The following ZNF444 variants were observed in gnomAD, a reference collection of about 807,000 sequenced individuals.
ZNF444 encodes the protein zinc finger protein 444.
ZNF444 carries 8 observed loss-of-function variants against 14.4 expected under a neutral mutation model. The observed-to-expected ratio is 0.56, with a 90% confidence interval of 0.33 to 1.00. The LOEUF (loss-of-function observed/expected upper bound fraction) is 1.00. Ranked by LOEUF, ZNF444 falls within the 50% of genes least tolerant of loss-of-function variation. ZNF444 has a pLI of 0.03. For missense variants in ZNF444, 510 were observed against 504.8 expected, an observed-to-expected ratio of 1.01 and a Z score of -0.10; for synonymous variants, 258 against 235.9, an observed-to-expected ratio of 1.09 and a Z score of -0.86.
rs921553510 is a variant in ZNF444, at chr19:56,145,950, T to C, written c.-196-297T>C. ...AGAGTCCCGGTGTCCCTTTCTCTTA[T>C]AAGGCCACAGCCCTATTAGGCCCAG... is the stretch of plus-strand genomic sequence containing the variant. On this transcript the variant is annotated intron_variant, in intron 1 of 4. Transcript: ENST00000337080. This position sits in a 1 kb window ranked among gnomAD's most constrained non-coding sequence, Gnocchi z 4.3. 2.6e-5 allele frequency: 4 copies of C among 152,248 alleles called. No individual in the cohort carries two copies. The highest frequency in any genetic ancestry group is 7.2e-5 in the African/African-American group (3 of 41,454). 9.4% of individuals were successfully genotyped at this position (152,248 alleles called of 1,614,324 possible).
At chr19:56,150,494 C>A (rs2031509921) in intron 3 of ZNF444, 3 of 369,754 alleles carry the variant, frequency 8.1e-6, no homozygotes, top group Non-Finnish European at 1.6e-5. Flanking sequence ...TTAATAAGGG[C>A]AGATCTCAGG....
chr19:56,140,001 AG>A (rs1452062976), upstream of ZNF444, among the ~76,000 whole-genome samples: 1 of 152,232 alleles, frequency 6.6e-6, no homozygotes, highest in East Asian at 1.9e-4. Context: ...ATTAAACACG[AG>A]GAGAAGACAG....
chr19:56,150,744 G>A (rs556155041), intron 3 of ZNF444, among the ~76,000 whole-genome samples: 5 of 151,980 alleles, frequency 3.3e-5, no homozygotes, highest in South Asian at 4.2e-4. Flanking sequence ...ATCTGGGGGC[G>A]CTGCTGTGGA....
At position 56,145,753 on chromosome 19, in the gene ZNF444, A is replaced by G. The variant is rs781179837; in HGVS notation, c.-196-494A>G. On this transcript the variant is annotated intron_variant, in intron 1 of 4. Coordinates refer to ENST00000337080, the MANE Select transcript of ZNF444 (RefSeq NM_018337.4). The surrounding 1 kb of genome is among the most constrained non-coding windows in gnomAD (Gnocchi z 4.3). ...CAAATTCCCAGCGGAAGGGACTGGG[A>G]CAGGCCGTCATAGCTGTCATAGCGG... Among the ~76,000 whole-genome samples the G allele has an allele frequency of 2.0e-5, 3 of 152,182 alleles. No homozygotes were observed. The highest frequency in any genetic ancestry group is 4.4e-5 in the Non-Finnish European group (3 of 68,040).
rs889208825 is a variant in ZNF444 at position 56,147,559 on chromosome 19, C to T, written c.297+351C>T. On this transcript the variant is annotated intron_variant, in intron 3 of 4. Transcript: ENST00000337080. The surrounding 1 kb of genome is among the most constrained non-coding windows in gnomAD (Gnocchi z 5.9). ...GCGCAGTTACCAGCTGTCCTCTCCC[C>T]GCACCCCGCCCGCACGCAGGGGGTC... is the stretch of plus-strand genomic sequence containing the variant. Among the ~76,000 whole-genome samples, 1 of 152,122 alleles carries T rather than the reference C, an allele frequency of 6.6e-6. No individual in the cohort carries two copies. Among genetic ancestry groups the T allele is most frequent in the Non-Finnish European group, 1.5e-5 (1 of 68,008 alleles).
rs1470094445 is a variant in ZNF444 at position 56,147,282 on chromosome 19, G to A, written c.297+74G>A. The A allele has an allele frequency of 1.5e-6, 2 of 1,377,392 alleles. No homozygotes were observed. The highest frequency in any genetic ancestry group is 3.0e-5 in the East Asian group (1 of 33,552). The allele number at this position is 1,377,392 out of a possible 1,614,324, so 85.3% of individuals were successfully genotyped here. On this transcript the variant is annotated intron_variant, in intron 3 of 4. Coordinates refer to ENST00000337080, the MANE Select transcript of ZNF444 (RefSeq NM_018337.4). This position sits in a 1 kb window ranked among gnomAD's most constrained non-coding sequence, Gnocchi z 5.9. ...GGGAAGCCACCAGGAAGCCCAGGGAGGAGCACCACTGAACCCCTGAAAACC... is the reference window on the plus strand; with the variant it reads ...GGGAAGCCACCAGGAAGCCCAGGGAAGAGCACCACTGAACCCCTGAAAACC...
chr19:56,157,119 A>C (rs1002636093), intron 3 of ZNF444: 1 of 152,482 alleles, frequency 6.6e-6, no homozygotes, highest in Non-Finnish European at 1.5e-5. Context: ...GCCAAGGGCC[A>C]AGGAGCTGGA....
At chr19:56,143,352 G>A (rs77485913) in intron 1 of ZNF444, 1 of 152,350 alleles carries the variant, frequency 6.6e-6, no homozygotes, top group East Asian at 1.9e-4. Flanking sequence ...GATGGCCTGT[G>A]GCATTGCTCT....
At chr19:56,133,511 G>A (rs1053974669) in intron 1 of ZNF444, among the ~76,000 whole-genome samples, 4 of 151,848 alleles carry the variant, frequency 2.6e-5, no homozygotes, top group Admixed American at 6.6e-5. Flanking sequence ...TATCCCAACC[G>A]TAAAATGGGG....
Position 56,159,903 on chromosome 19 carries a change from A to G in ZNF444, c.686A>G (p.His229Arg). The G allele has an allele frequency of 1.3e-6, 2 of 1,514,934 alleles. No homozygotes were observed. The highest frequency in any genetic ancestry group is 8.8e-7 in the Non-Finnish European group (1 of 1,137,890). 93.8% of individuals were successfully genotyped at this position (1,514,934 alleles called of 1,614,324 possible). Residue 229 changes from histidine (H) to arginine (R), a missense_variant, in exon 5 of 5, where the codon CAC becomes CGC. Coordinates refer to ENST00000337080, the MANE Select transcript of ZNF444 (RefSeq NM_018337.4). ...CACCTGCGGCGCCACCGCGACACGC[A>G]CCCCGGCAGCCCCGGCAGCCCCGGG... ...KEHLRRHRDTHPGSPGSPGPA... is the reference protein window; with the variant it reads ...KEHLRRHRDTRPGSPGSPGPA...
At chr19:56,141,427 T>G (rs1599992272) in intron 1 of ZNF444, 70 bp downstream of exon 1, 2 of 41,856 alleles carry the variant, frequency 4.8e-5, no homozygotes, top group East Asian at 6.0e-4. Context: ...AGAGGTTGGA[T>G]GGGAAGAGGG....
rs1239923450 is a variant in ZNF444 at position 56,160,137 on chromosome 19, C to T, written c.920C>T (p.Ala307Val). 5 of 1,483,484 alleles carry T rather than the reference C, an allele frequency of 3.4e-6. No homozygotes were observed. The highest frequency in any genetic ancestry group is 2.8e-5 in the East Asian group (1 of 36,314). 91.9% of individuals were successfully genotyped at this position (1,483,484 alleles called of 1,614,324 possible). ...QRIHGRAAAS[A>V]QGAVAPGPDG... ...ATCCACGGCCGGGCAGCGGCCAGCG[C>T]GCAGGGGGCGGTAGCTCCGGGCCCG... Residue 307 changes from alanine to valine, a missense_variant, in exon 5 of 5, where the codon GCG becomes GTG. Physicochemically the swap from Ala to Val is moderately conservative, Grantham distance 64. Transcript: ENST00000337080.
intron 4 of ZNF444, among the ~76,000 whole-genome samples, 197 bp downstream of exon 4, chr19:56,158,799 T>C (rs543633609): frequency 1.2e-4 from 18 of 152,056 alleles, no homozygotes; most frequent in Admixed American, 8.5e-4. Flanking sequence ...TCCATCCATC[T>C]ATCCATCCAT....
chr19:56,156,141 A>T (rs2031890222), intron 3 of ZNF444: 1 of 152,296 alleles, frequency 6.6e-6, no homozygotes, highest in Non-Finnish European at 1.5e-5. Flanking sequence ...ATGGAGAGCC[A>T]CGTATGGTGA....
At chr19:56,156,571 A>G (rs190743882) in intron 3 of ZNF444, 1 of 152,180 alleles carries the variant, frequency 6.6e-6, no homozygotes, top group South Asian at 2.1e-4. Context: ...AGATTTAAGG[A>G]TATTTTTAGT....
rs543126298 is a variant in ZNF444, at chr19:56,147,436, C to T, written c.297+228C>T. 2.6e-5 allele frequency among the ~76,000 whole-genome samples: 4 copies of T among 152,246 alleles called. No homozygotes were observed. The highest frequency in any genetic ancestry group is 6.5e-5 in the Admixed American group (1 of 15,300). On this transcript the variant is annotated intron_variant, in intron 3 of 4. Transcript: ENST00000337080. This position sits in a 1 kb window ranked among gnomAD's most constrained non-coding sequence, Gnocchi z 5.9. Reference sequence around the variant, plus strand: ...GGGCCCCAAGACCCTGGCATACTTGCGAGTTCTCTAGGACTCACAGCCGTG... The same window carrying T: ...GGGCCCCAAGACCCTGGCATACTTGTGAGTTCTCTAGGACTCACAGCCGTG...
intron 3 of ZNF444, chr19:56,150,069 GAA>G: frequency 6.1e-6 from 1 of 164,140 alleles, no homozygotes; most frequent in South Asian, 1.6e-4. Flanking sequence ...AGTGGGGGTG[GAA>G]CAGAACCAAC....
rs748901247 is a variant in ZNF444, at chr19:56,145,975, G to T, written c.-196-272G>T. 5 of 152,230 alleles carry T rather than the reference G, an allele frequency of 3.3e-5. No individual in the cohort carries two copies. Among genetic ancestry groups the T allele is most frequent in the Non-Finnish European group, 4.4e-5 (3 of 68,048 alleles). The allele number at this position is 152,230 out of a possible 1,614,324, so 9.4% of individuals were successfully genotyped here. ...TAAGGCCACAGCCCTATTAGGCCCA[G>T]CCCTTGTGACCTCAGTTAACTTTCA... On this transcript the variant is annotated intron_variant, in intron 1 of 4. Transcript: ENST00000337080. This position sits in a 1 kb window ranked among gnomAD's most constrained non-coding sequence, Gnocchi z 4.3.
chr19:56,151,704 G>A (rs1326030532), intron 3 of ZNF444: 2 of 448,550 alleles, frequency 4.5e-6, no homozygotes, highest in Non-Finnish European at 8.9e-6. Flanking sequence ...GGGTTTCTTG[G>A]CATCTGGTCT....
Sources: allele counts gnomAD v4.1 joint callset (sites outside exome capture counted in the v4.1 genomes callset), GRCh38; gene constraint gnomAD v4.1.1; non-coding constraint Gnocchi (gnomAD v3.1); transcripts MANE v1.5; gene names NCBI Gene and HGNC (gene_info 2026-07-23, HGNC 2026-07-21).